SMAD6: variants seen among roughly 807,000 people sequenced by gnomAD.
The protein encoded by SMAD6 is MAD homolog 6.
In SMAD6, 103 loss-of-function variants were observed where a neutral mutation model predicts 39.4. The observed-to-expected ratio is 2.62, with a 90% CI of 2.23 to 3.08. The LOEUF (loss-of-function observed/expected upper bound fraction) is 3.08. Ranked by LOEUF, SMAD6 falls within the 30% of genes most tolerant of loss-of-function variation. The pLI, the probability that SMAD6 is intolerant of heterozygous loss-of-function variation, is 0.00. For synonymous variants in SMAD6, 445 were observed against 353.3 expected, an observed-to-expected ratio of 1.26 and a Z score of -2.91; for missense variants, 1,104 against 742.9, an observed-to-expected ratio of 1.49 and a Z score of -5.65.
chr15:66,729,222 C>G (rs1893578555), intron 3 of SMAD6, among the ~76,000 whole-genome samples: 1 of 152,156 alleles, frequency 6.6e-6, no homozygotes, highest in African/African-American at 2.4e-5. Context: ...AGTCCTGTCC[C>G]CCTGCGTCTC....
At chr15:66,722,129 T>C (rs1264916713) in intron 3 of SMAD6, among the ~76,000 whole-genome samples, 2 of 152,180 alleles carry the variant, frequency 1.3e-5, no homozygotes, top group African/African-American at 2.4e-5. Context: ...AAAAAACTTC[T>C]ATCCAAACAT....
chr15:66,711,570 TGA>T, intron 1 of SMAD6, 96 bp from the exon 2 acceptor site: 1 of 947,380 alleles, frequency 1.1e-6, no homozygotes, highest in East Asian at 2.4e-5. Context: ...TCCTGGAGGC[TGA>T]GTTTATTATT....
chr15:66,752,040 C>CT (rs34057337), intron 3 of SMAD6, among the ~76,000 whole-genome samples: 8,001 of 121,796 alleles, frequency 0.066, 398 homozygotes, highest in African/African-American at 0.13. Context: ...TTAATGGCAC[C>CT]TTTTTTTTTT....
intron 3 of SMAD6, among the ~76,000 whole-genome samples, chr15:66,760,395 A>C (rs1378262243): frequency 6.6e-6 from 1 of 152,260 alleles, no homozygotes; most frequent in African/African-American, 2.4e-5. Context: ...AGAGCAGAAC[A>C]GTCAGAAACC....
intron 3 of SMAD6, among the ~76,000 whole-genome samples, chr15:66,744,704 G>A (rs1893877515): frequency 6.6e-6 from 1 of 152,212 alleles, no homozygotes; most frequent in South Asian, 2.1e-4. Flanking sequence ...GGCTCTGTGG[G>A]ACCAATGAAT....
chr15:66,707,619 C>G (rs1893142833), intron 1 of SMAD6: 1 of 152,278 alleles, frequency 6.6e-6, no homozygotes, highest in South Asian at 2.1e-4. Flanking sequence ...CTTGCTGGCG[C>G]CAGCCGGCCG....
chr15:66,781,448 C>T lies in SMAD6; in HGVS notation c.1404C>T (p.Phe468=). Residue 468 remains phenylalanine, a synonymous_variant, in exon 4 of 4, where the codon TTC becomes TTT. Coordinates refer to ENST00000288840, the MANE Select transcript of SMAD6 (RefSeq NM_005585.5). ...ACCCCAACAGCGTCCGCATCAGCTT[C>T]GCCAAGGGCTGGGGGCCCTGCTACT... ...PYDPNSVRIS[F]AKGWGPCYSR... 6.2e-7 allele frequency: 1 copy of T among 1,605,290 alleles called. No homozygotes were observed. Among genetic ancestry groups the T allele is most frequent in the East Asian group, 2.2e-5 (1 of 44,718 alleles).
chr15:66,767,449 T>G (rs935747397), intron 3 of SMAD6, among the ~76,000 whole-genome samples: 4 of 152,186 alleles, frequency 2.6e-5, no homozygotes, highest in African/African-American at 9.7e-5. Context: ...CTCCCTCCTT[T>G]GCACCCTTCA....
intron 2 of SMAD6, among the ~76,000 whole-genome samples, chr15:66,715,031 T>G (rs986491095): frequency 1.1e-4 from 2 of 17,864 alleles, no homozygotes; most frequent in Non-Finnish European, 1.7e-4. Flanking sequence ...AGCACTGAGC[T>G]TTTTTTTTTT....
intron 1 of SMAD6, among the ~76,000 whole-genome samples, chr15:66,710,898 G>T (rs996446690): frequency 6.6e-6 from 1 of 152,330 alleles, no homozygotes; most frequent in African/African-American, 2.4e-5. Flanking sequence ...CCAACAGCTG[G>T]AAGTGACTGG....
chr15:66,723,852 A>C (rs1200246828), intron 3 of SMAD6, among the ~76,000 whole-genome samples: 1 of 152,188 alleles, frequency 6.6e-6, no homozygotes, highest in Non-Finnish European at 1.5e-5. Flanking sequence ...GTGGTGACTG[A>C]TCATGCTGAG....
At chr15:66,770,516 T>C (rs1482626069) in intron 3 of SMAD6, among the ~76,000 whole-genome samples, 2 of 152,166 alleles carry the variant, frequency 1.3e-5, no homozygotes, top group African/African-American at 4.8e-5. Flanking sequence ...ACTGTTATTT[T>C]AGAACCTTTC....
intron 3 of SMAD6, among the ~76,000 whole-genome samples, chr15:66,769,263 G>A (rs961422697): frequency 6.6e-6 from 1 of 152,182 alleles, no homozygotes; most frequent in African/African-American, 2.4e-5. Context: ...TCTGCTTAAC[G>A]TAATGCTGTG....
At chr15:66,741,083 C>T (rs7182227) in intron 3 of SMAD6, 18,425 of 152,284 alleles carry the variant, frequency 0.12, 1,397 homozygotes, top group Admixed American at 0.24. Flanking sequence ...GGCCCTCATC[C>T]CTCTGCCTTC....
intron 3 of SMAD6, among the ~76,000 whole-genome samples, chr15:66,746,509 G>A (rs547731622): frequency 6.6e-6 from 1 of 152,148 alleles, no homozygotes; most frequent in Non-Finnish European, 1.5e-5. Context: ...TTGCTCTAGG[G>A]GGGTGGGGGG....
chr15:66,757,505 A>C (rs142857379), intron 3 of SMAD6, among the ~76,000 whole-genome samples: 2,201 of 152,220 alleles, frequency 0.014, 21 homozygotes, highest in Non-Finnish European at 0.022. Context: ...GGCAGAGCTG[A>C]ACCCAGGCTC....
intron 3 of SMAD6, among the ~76,000 whole-genome samples, chr15:66,720,494 C>T (rs990857241): frequency 5.9e-5 from 9 of 152,216 alleles, no homozygotes; most frequent in Non-Finnish European, 7.4e-5. Flanking sequence ...CTTAAGCACC[C>T]GGGCCTGCCT....
At chr15:66,756,218 G>A (rs1894096756) in intron 3 of SMAD6, among the ~76,000 whole-genome samples, 3 of 152,142 alleles carry the variant, frequency 2.0e-5, no homozygotes, top group South Asian at 4.2e-4. Flanking sequence ...GGGGTGCCTG[G>A]GAGTGCAGGA....
intron 3 of SMAD6, among the ~76,000 whole-genome samples, chr15:66,774,569 C>T (rs1003060556): frequency 6.6e-6 from 1 of 152,160 alleles, no homozygotes; most frequent in Non-Finnish European, 1.5e-5. Context: ...CAGGGCTTGT[C>T]CCCTGGGCCA....
Sources: allele counts gnomAD v4.1 joint callset (sites outside exome capture counted in the v4.1 genomes callset), GRCh38; gene constraint gnomAD v4.1.1; transcripts MANE v1.5; gene names NCBI Gene and HGNC (gene_info 2026-07-23, HGNC 2026-07-21).